PRKAR2B: variants seen among roughly 807,000 people sequenced by gnomAD.
PRKAR2B encodes cAMP-dependent protein kinase type II-beta regulatory subunit.
A neutral mutation model predicts 49.9 loss-of-function variants in PRKAR2B; 14 were observed. That is an observed-to-expected ratio of 0.28 (90% confidence interval 0.19 to 0.44). The LOEUF is 0.44. PRKAR2B is among the 20% of genes least tolerant of loss of function. The probability of loss-of-function intolerance (pLI) is 1.00; values close to 1 mark genes in which losing one functional copy is unlikely to be tolerated. For missense variants in PRKAR2B, 393 were observed against 537.9 expected, an observed-to-expected ratio of 0.73 and a Z score of 2.67; for synonymous variants, 196 against 197.7, an observed-to-expected ratio of 0.99 and a Z score of 0.07.
intron 2 of PRKAR2B, among the ~76,000 whole-genome samples, chr7:107,073,652 T>G (rs995462557): frequency 3.3e-5 from 5 of 152,166 alleles, no homozygotes; most frequent in African/African-American, 1.2e-4. Flanking sequence ...CCCCATAACC[T>G]TATTTTTAAA....
At chr7:107,113,507 T>C (rs779674664) in intron 2 of PRKAR2B, among the ~76,000 whole-genome samples, 3 of 152,200 alleles carry the variant, frequency 2.0e-5, no homozygotes, top group Non-Finnish European at 4.4e-5. Context: ...ATTACAGTTC[T>C]GTCCTCTAGT....
intron 2 of PRKAR2B, among the ~76,000 whole-genome samples, chr7:107,119,159 A>T (rs2115578155): frequency 6.6e-6 from 1 of 152,312 alleles, no homozygotes; most frequent in South Asian, 2.1e-4. Flanking sequence ...GAGAATTAGG[A>T]TTGATTTCTG....
intron 1 of PRKAR2B, among the ~76,000 whole-genome samples, chr7:107,050,955 G>A (rs80020885): frequency 0.011 from 1,724 of 152,236 alleles, 19 homozygotes; most frequent in Non-Finnish European, 0.017. Flanking sequence ...CTCAGCTTCC[G>A]AAAGTGTTGG....
intron 2 of PRKAR2B, among the ~76,000 whole-genome samples, chr7:107,073,291 CTATT>C (rs1175255250): frequency 6.6e-6 from 1 of 151,320 alleles, no homozygotes; most frequent in African/African-American, 2.5e-5. Context: ...TTTAAGAACA[CTATT>C]TGTGCTATAG....
chr7:107,104,182 C>T (rs985960906), intron 2 of PRKAR2B, among the ~76,000 whole-genome samples: 1 of 152,158 alleles, frequency 6.6e-6, no homozygotes, highest in Non-Finnish European at 1.5e-5. Flanking sequence ...CAGCTGCATG[C>T]CACCATGCCC....
At chr7:107,116,547 A>G (rs1795276493) in intron 2 of PRKAR2B, among the ~76,000 whole-genome samples, 1 of 152,216 alleles carries the variant, frequency 6.6e-6, no homozygotes, top group Admixed American at 6.6e-5. Context: ...ATATGTATAC[A>G]TACACATAGA....
intron 10 of PRKAR2B, among the ~76,000 whole-genome samples, chr7:107,158,843 T>C (rs1367154433): frequency 6.6e-6 from 1 of 152,228 alleles, no homozygotes; most frequent in Non-Finnish European, 1.5e-5. Flanking sequence ...TGTACTTTTA[T>C]GTATAGAGTA....
At chr7:107,053,089 C>T (rs1312266019) in intron 1 of PRKAR2B, among the ~76,000 whole-genome samples, 5 of 152,174 alleles carry the variant, frequency 3.3e-5, no homozygotes. Flanking sequence ...CCTCAGCCTC[C>T]CAAAATACTG....
At position 107,118,514 on chromosome 7, in the gene PRKAR2B, C is replaced by G. The variant is rs73413375; in HGVS notation, c.344-3438C>G. On this transcript the variant is annotated intron_variant, in intron 2 of 10. Coordinates refer to ENST00000265717, the MANE Select transcript of PRKAR2B (RefSeq NM_002736.3). ...GTGCCAAGTCAGTGCTAGGGAAATA[C>G]AGAGATGAACAAGAGCACACAGTCG... is the stretch of plus-strand genomic sequence containing the variant. Among the ~76,000 whole-genome samples, 727 of 151,372 alleles carry G rather than the reference C, an allele frequency of 4.8e-3. 6 individuals carry two copies. The highest frequency in any genetic ancestry group is 0.016 in the African/African-American group (678 of 41,222).
chr7:107,140,586 A>C (rs1419909712), intron 4 of PRKAR2B, among the ~76,000 whole-genome samples: 6 of 152,206 alleles, frequency 3.9e-5, no homozygotes, highest in South Asian at 4.1e-4. Flanking sequence ...TTAAATTTTC[A>C]TTTTAAAGTG....
At chr7:107,047,829 A>T (rs1306376374) in intron 1 of PRKAR2B, among the ~76,000 whole-genome samples, 1 of 152,212 alleles carries the variant, frequency 6.6e-6, no homozygotes, top group Admixed American at 6.5e-5. Context: ...GCTTTTTTAA[A>T]TAGGTTGAGA....
At chr7:107,143,131 C>A (rs1795819058) in intron 5 of PRKAR2B, among the ~76,000 whole-genome samples, 1 of 152,196 alleles carries the variant, frequency 6.6e-6, no homozygotes, top group Admixed American at 6.5e-5. Flanking sequence ...CATTTTACTT[C>A]TCCTCGGCAC....
At chr7:107,140,052 C>G (rs1050976220) in intron 4 of PRKAR2B, among the ~76,000 whole-genome samples, 4 of 152,126 alleles carry the variant, frequency 2.6e-5, no homozygotes, top group Non-Finnish European at 5.9e-5. Flanking sequence ...TCCTCATATC[C>G]ATTTATTCTG....
chr7:107,100,681 C>G (rs992611855), intron 2 of PRKAR2B, among the ~76,000 whole-genome samples: 1 of 152,050 alleles, frequency 6.6e-6, no homozygotes, highest in Admixed American at 6.6e-5. Flanking sequence ...TTTATTCATT[C>G]TTTTTTTCCG....
chr7:107,117,707 T>C (rs1262832804), intron 2 of PRKAR2B, among the ~76,000 whole-genome samples: 1 of 151,484 alleles, frequency 6.6e-6, no homozygotes, highest in Admixed American at 6.6e-5. Flanking sequence ...TGAAAAATCC[T>C]GGAAGTTGAA....
At chr7:107,062,113 T>C (rs1794038022) in intron 1 of PRKAR2B, among the ~76,000 whole-genome samples, 1 of 152,134 alleles carries the variant, frequency 6.6e-6, no homozygotes, top group African/African-American at 2.4e-5. Flanking sequence ...TTAGGAAAAC[T>C]GTGGGTATGT....
chr7:107,070,047 T>G (rs1253224874), intron 1 of PRKAR2B: 1 of 349,884 alleles, frequency 2.9e-6, no homozygotes, highest in Admixed American at 4.5e-5. Flanking sequence ...AACTAGGGAT[T>G]TTTCTTTTAA....
chr7:107,107,336 CA>C (rs548269284), intron 2 of PRKAR2B, among the ~76,000 whole-genome samples: 65 of 139,440 alleles, frequency 4.7e-4, no homozygotes, highest in African/African-American at 4.2e-4. Context: ...GACTCCATCT[CA>C]AAAAAAAAAA....
chr7:107,130,518 A>G (rs1013948286), intron 4 of PRKAR2B, among the ~76,000 whole-genome samples: 10 of 152,254 alleles, frequency 6.6e-5, no homozygotes, highest in Middle Eastern at 3.4e-3. Context: ...AAAAATAAAA[A>G]TAAAATAAAA....
Sources: gnomAD v4.1 joint callset for allele counts (sites outside exome capture counted in the v4.1 genomes callset) on GRCh38, gnomAD v4.1.1 for gene constraint, MANE v1.5 for transcripts, NCBI Gene and HGNC (gene_info 2026-07-23, HGNC 2026-07-21) for gene names.